The following CTNNA3 variants were observed in gnomAD, a reference collection of about 807,000 sequenced individuals.
The protein encoded by CTNNA3 is catenin alpha 3.
In CTNNA3, 76 loss-of-function variants were observed where a neutral mutation model predicts 95.7. The ratio of observed to expected loss-of-function variants is 0.79; its 90% confidence interval spans 0.66 to 0.96. The LOEUF (loss-of-function observed/expected upper bound fraction) is 0.96. Among genes scored for constraint, CTNNA3 ranks in the 40% least tolerant of loss-of-function variants. The pLI is 0.00. For synonymous variants in CTNNA3, 431 were observed against 374.4 expected (o/e 1.15, Z -1.74); for missense variants, 1,191 against 1,089.8 (o/e 1.09, Z -1.31).
chr10:66,626,928 C>T (rs1470439332), intron 9 of CTNNA3, among the ~76,000 whole-genome samples: 1 of 125,176 alleles, frequency 8.0e-6, no homozygotes, highest in Non-Finnish European at 1.7e-5. Flanking sequence ...CACATACACA[C>T]ACACAACAAC....
intron 7 of CTNNA3, among the ~76,000 whole-genome samples, chr10:67,079,367 T>C (rs1217928471): frequency 6.6e-6 from 1 of 152,218 alleles, no homozygotes; most frequent in Non-Finnish European, 1.5e-5. Context: ...AACACAGCGA[T>C]AGGGCAGTTC....
chr10:67,446,361 A>G (rs1846748403), intron 5 of CTNNA3, among the ~76,000 whole-genome samples: 1 of 152,140 alleles, frequency 6.6e-6, no homozygotes, highest in Non-Finnish European at 1.5e-5. Context: ...AATGCAGCAG[A>G]TAGGGTTTCC....
At chr10:67,354,093 T>C (rs1315902109) in intron 5 of CTNNA3, among the ~76,000 whole-genome samples, 1 of 152,054 alleles carries the variant, frequency 6.6e-6, no homozygotes, top group Non-Finnish European at 1.5e-5. Flanking sequence ...CAAACATTTC[T>C]CATTACTAGG....
At chr10:66,887,077 G>A (rs1359363594) in intron 7 of CTNNA3, among the ~76,000 whole-genome samples, 1 of 152,118 alleles carries the variant, frequency 6.6e-6, no homozygotes, top group Non-Finnish European at 1.5e-5. Context: ...CAAACATGAG[G>A]TGATGGATGT....
At chr10:67,570,108 T>C (rs1841933703) in intron 3 of CTNNA3, among the ~76,000 whole-genome samples, 1 of 152,030 alleles carries the variant, frequency 6.6e-6, no homozygotes, top group Non-Finnish European at 1.5e-5. Flanking sequence ...TGTTGTTTAA[T>C]CCAATTACTT....
chr10:67,624,680 C>T (rs7091389), intron 2 of CTNNA3, among the ~76,000 whole-genome samples: 20,179 of 152,118 alleles, frequency 0.13, 2,403 homozygotes, highest in African/African-American at 0.32. Context: ...ACCAAAACTG[C>T]TCTGCTCCTC....
chr10:66,465,715 G>A (rs1838886735), intron 11 of CTNNA3, among the ~76,000 whole-genome samples: 1 of 152,070 alleles, frequency 6.6e-6, no homozygotes, highest in Non-Finnish European at 1.5e-5. Context: ...GATGGGAAAG[G>A]AAACATCAGA....
chr10:66,463,407 T>C (rs1409686455), intron 11 of CTNNA3, among the ~76,000 whole-genome samples: 1 of 152,176 alleles, frequency 6.6e-6, no homozygotes, highest in African/African-American at 2.4e-5. Flanking sequence ...CAGATATCAG[T>C]GCCATGCTTC....
chr10:66,584,332 T>A (rs918356256), intron 10 of CTNNA3, among the ~76,000 whole-genome samples: 7 of 151,896 alleles, frequency 4.6e-5, no homozygotes, highest in South Asian at 4.1e-4. Flanking sequence ...TTAGACCTGG[T>A]AGGAATTGCC....
chr10:66,534,381 TA>T (rs1452582012), intron 10 of CTNNA3, among the ~76,000 whole-genome samples: 1 of 151,624 alleles, frequency 6.6e-6, no homozygotes, highest in Non-Finnish European at 1.5e-5. Flanking sequence ...GGTGGTAGAT[TA>T]AAAATAGAGT....
intron 6 of CTNNA3, among the ~76,000 whole-genome samples, chr10:67,197,299 CAG>C (rs987151775): frequency 1.5e-4 from 23 of 152,024 alleles, no homozygotes; most frequent in African/African-American, 5.6e-4. Context: ...AAAAGGTACA[CAG>C]GGGGCAAGTG....
At chr10:66,256,719 C>T (rs2090797702) in intron 13 of CTNNA3, among the ~76,000 whole-genome samples, 1 of 140,854 alleles carries the variant, frequency 7.1e-6, no homozygotes, top group African/African-American at 2.9e-5. Flanking sequence ...GAGACATTGT[C>T]TCAAAAAAAA....
At chr10:66,434,268 A>G (rs10997127) in intron 11 of CTNNA3, among the ~76,000 whole-genome samples, 58,116 of 151,890 alleles carry the variant, frequency 0.38, 11,683 homozygotes, top group African/African-American at 0.5. Context: ...GATTCTTCCT[A>G]TCTGTGAGCA....
chr10:66,277,385 C>G (rs540373652), intron 13 of CTNNA3, among the ~76,000 whole-genome samples: 1 of 152,126 alleles, frequency 6.6e-6, no homozygotes, highest in African/African-American at 2.4e-5. Flanking sequence ...TATAATTACA[C>G]ATTTATTGCT....
intron 1 of CTNNA3, among the ~76,000 whole-genome samples, chr10:67,727,666 AAT>A (rs1841246147): frequency 7.8e-6 from 1 of 127,998 alleles, no homozygotes; most frequent in South Asian, 2.2e-4. Flanking sequence ...TATGATATAT[AAT>A]ATAATATATA....
intron 6 of CTNNA3, among the ~76,000 whole-genome samples, chr10:67,212,874 A>G (rs1047915066): frequency 1.3e-5 from 2 of 151,860 alleles, no homozygotes; most frequent in Non-Finnish European, 2.9e-5. Context: ...ATCTAATTTC[A>G]TAAATTAGAT....
At chr10:66,753,936 A>T (rs897325456) in intron 9 of CTNNA3, among the ~76,000 whole-genome samples, 3 of 152,110 alleles carry the variant, frequency 2.0e-5, no homozygotes, top group African/African-American at 7.2e-5. Flanking sequence ...AAGACATAAT[A>T]TTGTTAAGAT....
chr10:66,858,447 A>G (rs552858691), intron 7 of CTNNA3, among the ~76,000 whole-genome samples: 1 of 152,084 alleles, frequency 6.6e-6, no homozygotes, highest in South Asian at 2.1e-4. Context: ...CCTCTCCTCA[A>G]TATTTTGGAA....
At chr10:66,767,721 G>C (rs370508478) in intron 8 of CTNNA3, among the ~76,000 whole-genome samples, 4 of 152,094 alleles carry the variant, frequency 2.6e-5, no homozygotes, top group African/African-American at 9.7e-5. Context: ...CTGAATGATA[G>C]AGCTAAATAG....
Sources: gnomAD v4.1 joint callset for allele counts (sites outside exome capture counted in the v4.1 genomes callset) on GRCh38, gnomAD v4.1.1 for gene constraint, MANE v1.5 for transcripts, NCBI Gene and HGNC (gene_info 2026-07-23, HGNC 2026-07-21) for gene names.